The following POLR1C variants were observed in gnomAD, a reference collection of about 807,000 sequenced individuals.
The protein encoded by POLR1C is RNA polymerase I and III subunit C, also known as DNA-directed RNA polymerases I and III subunit RPAC1.
In POLR1C, 42 loss-of-function variants were observed where a neutral mutation model predicts 38.3. That is an observed-to-expected ratio of 1.10 (90% CI 0.86 to 1.42). POLR1C has a LOEUF of 1.42. Ranked by LOEUF, POLR1C falls within the 40% of genes most tolerant of loss-of-function variation. The pLI is 0.00. For missense variants in POLR1C, 507 were observed against 450.5 expected (o/e 1.13, Z -1.14); for synonymous variants, 163 against 163.9 (o/e 0.99, Z 0.04).
downstream of POLR1C, chr6:43,530,941 T>C (rs941210641): frequency 7.7e-7 from 1 of 1,303,720 alleles, no homozygotes; most frequent in Non-Finnish European, 1.0e-6. Context: ...AGAAGAGCAG[T>C]TGTATTTACT....
intron 9 of POLR1C, chr6:43,546,839 A>T: frequency 7.7e-7 from 1 of 1,292,012 alleles, no homozygotes; most frequent in South Asian, 1.6e-5. Flanking sequence ...AGGTTCTGGC[A>T]AAAGTGACAC....
In POLR1C at chr6:43,519,912, T is replaced by C; in HGVS notation, c.382+74T>C. ...TGGTTGACTGTGATGTTGGGTAAGT[T>C]ACTTATCTTTGTACATCAGTGTCTT... On this transcript the variant is annotated intron_variant, in intron 4 of 8. Coordinates refer to ENST00000642195, the MANE Select transcript of POLR1C (RefSeq NM_203290.4). The C allele has an allele frequency of 3.2e-6, 5 of 1,558,938 alleles. No individual in the cohort carries two copies. The Admixed American group carries it at 9.5e-5, about 30-fold the overall frequency.
chr6:43,543,724 G>A (rs898340424), intron 9 of POLR1C, among the ~76,000 whole-genome samples: 1 of 151,636 alleles, frequency 6.6e-6, no homozygotes, highest in Admixed American at 6.6e-5. Flanking sequence ...CAGGGACAGG[G>A]AAGACTCTTC....
intron 9 of POLR1C, among the ~76,000 whole-genome samples, chr6:43,548,903 T>C (rs1003049705): frequency 7.9e-5 from 12 of 152,124 alleles, no homozygotes; most frequent in African/African-American, 2.7e-4. Flanking sequence ...CATTTGGCAG[T>C]AGTAATTAAG....
chr6:43,551,224 C>G, intron 10 of POLR1C: 1 of 1,411,624 alleles, frequency 7.1e-7, no homozygotes, highest in Non-Finnish European at 9.3e-7. Flanking sequence ...GATCCTGTCT[C>G]CAAAAAAATA....
At chr6:43,531,455 G>C, downstream of POLR1C, 1 of 1,592,256 alleles carries the variant, frequency 6.3e-7, no homozygotes, top group Admixed American at 1.7e-5. Context: ...AAGAAAATAT[G>C]GAGAGGCAGC....
intron 10 of POLR1C, chr6:43,551,256 G>T (rs1475361583): frequency 6.6e-7 from 1 of 1,522,234 alleles, no homozygotes; most frequent in African/African-American, 1.4e-5. Flanking sequence ...AATTAACTTA[G>T]AAATGTCAAA....
downstream of POLR1C, among the ~76,000 whole-genome samples, chr6:43,533,168 G>A (rs1794094009): frequency 6.9e-6 from 1 of 144,990 alleles, no homozygotes; most frequent in African/African-American, 2.5e-5. Context: ...GTAACAATTG[G>A]GAAATGGCTT....
chr6:43,529,772 C>T (rs542145136), downstream of POLR1C, among the ~76,000 whole-genome samples: 2 of 151,334 alleles, frequency 1.3e-5, no homozygotes, highest in Non-Finnish European at 2.9e-5. Context: ...ATAATAAAAA[C>T]TAGCTGGGTG....
intron 10 of POLR1C, among the ~76,000 whole-genome samples, chr6:43,559,303 A>T (rs1762279117): frequency 6.6e-6 from 1 of 152,206 alleles, no homozygotes; most frequent in African/African-American, 2.4e-5. Context: ...TCTCAAAAAA[A>T]AACACAGAAC....
chr6:43,558,031 G>A (rs1362718370), intron 10 of POLR1C, among the ~76,000 whole-genome samples: 1 of 151,548 alleles, frequency 6.6e-6, no homozygotes, highest in African/African-American at 2.4e-5. Context: ...GAAGGCAGAG[G>A]TTGTGGTGAG....
chr6:43,525,103 A>G (rs773600899), downstream of POLR1C: 60 of 1,571,562 alleles, frequency 3.8e-5, no homozygotes, highest in Non-Finnish European at 4.7e-5. Context: ...GTGAATAACC[A>G]TACTTGTTTG....
In POLR1C at chr6:43,517,397, T is replaced by C; in HGVS notation, c.141+20T>C. 6.2e-7 allele frequency: 1 copy of C among 1,610,836 alleles called. No homozygotes were observed. Among genetic ancestry groups the C allele is most frequent in the Non-Finnish European group, 8.5e-7 (1 of 1,177,200 alleles). On this transcript the variant is annotated intron_variant, in intron 2 of 8. Coordinates refer to ENST00000642195, the MANE Select transcript of POLR1C (RefSeq NM_203290.4). ...GAGAAGGTAAGTGGGGCCGGAGTTGTCTGGGGAGGGTTATGAAGGCCAGAC... is the reference window on the plus strand; with the variant it reads ...GAGAAGGTAAGTGGGGCCGGAGTTGCCTGGGGAGGGTTATGAAGGCCAGAC...
intron 9 of POLR1C, chr6:43,549,657 C>T: frequency 1.4e-6 from 2 of 1,473,936 alleles, no homozygotes; most frequent in South Asian, 2.5e-5. Context: ...GTGAATATCT[C>T]AGTCAGGGGC....
rs777373707 is a variant in POLR1C at position 43,521,063 on chromosome 6, G to C, written c.922+15G>C. ...TCATTATATCTGTGAGTATGAAGTG[G>C]TGAGATGAGTGGGCAGTGCTCTTTG... On this transcript the variant is annotated intron_variant, in intron 8 of 8. Transcript: ENST00000642195. 2 of 1,602,734 alleles carry C rather than the reference G, an allele frequency of 1.2e-6. No individual in the cohort carries two copies. The highest frequency in any genetic ancestry group is 8.5e-7 in the Non-Finnish European group (1 of 1,169,662).
chr6:43,517,332 C>G lies in POLR1C; in HGVS notation c.96C>G (p.Asn32Lys). The change falls in exon 2 of 9, where the codon AAC (asparagine) becomes AAG (lysine). Residue 32 changes from asparagine to lysine, a missense_variant. Physicochemically the swap from Asn to Lys is moderately conservative, Grantham distance 94. Transcript: ENST00000642195. The part of the protein sequence containing the change: ...RNVHTTDFPG[N>K]YSGYDDAWDQ... Reference sequence around the variant, plus strand: ...TCCATACTACTGACTTTCCCGGTAACTATTCCGGTTATGATGATGCCTGGG... The same window carrying G: ...TCCATACTACTGACTTTCCCGGTAAGTATTCCGGTTATGATGATGCCTGGG... 6.2e-7 allele frequency: 1 copy of G among 1,614,108 alleles called. No homozygotes were observed. Among genetic ancestry groups the G allele is most frequent in the Middle Eastern group, 1.6e-4 (1 of 6,062 alleles).
downstream of POLR1C, among the ~76,000 whole-genome samples, chr6:43,534,336 C>T (rs1315176771): frequency 2.0e-5 from 3 of 152,078 alleles, no homozygotes; most frequent in South Asian, 2.1e-4. Context: ...ACCAGTGATA[C>T]GGAATGAAAT....
chr6:43,533,714 T>C (rs1794142707), downstream of POLR1C: 1 of 358,218 alleles, frequency 2.8e-6, no homozygotes, highest in Admixed American at 3.9e-5. Flanking sequence ...GATCTGCCTG[T>C]GGTCCAACTA....
At chr6:43,525,998 AAAAC>A, downstream of POLR1C, 4 of 1,528,858 alleles carry the variant, frequency 2.6e-6, no homozygotes, top group Admixed American at 1.9e-5. Context: ...AGAAGCGCAA[AAAAC>A]AAAGCAAAGC....
Sources: gnomAD v4.1 joint callset for allele counts (sites outside exome capture counted in the v4.1 genomes callset) on GRCh38, gnomAD v4.1.1 for gene constraint, MANE v1.5 for transcripts, NCBI Gene and HGNC (gene_info 2026-07-23, HGNC 2026-07-21) for gene names.